The following HS3ST4 variants were observed in gnomAD, a reference collection of about 807,000 sequenced individuals.
HS3ST4 encodes heparan sulfate glucosamine 3-O-sulfotransferase 4.
A neutral mutation model predicts 29.2 loss-of-function variants in HS3ST4; 17 were observed. The observed-to-expected ratio is 0.58, with a 90% CI of 0.40 to 0.87. HS3ST4 has a LOEUF of 0.87. HS3ST4 is among the 40% of genes least tolerant of loss of function. The pLI is 0.00. For missense variants in HS3ST4, 627 were observed against 634.5 expected (o/e 0.99, Z 0.13); for synonymous variants, 314 against 285.7 (o/e 1.10, Z -1.00).
At chr16:26,013,776 A>G (rs1415834867) in intron 1 of HS3ST4, among the ~76,000 whole-genome samples, 3 of 152,028 alleles carry the variant, frequency 2.0e-5, no homozygotes, top group South Asian at 2.1e-4. Context: ...GTGGGAGGCT[A>G]AGGTGGGCAG....
chr16:25,907,474 G>A (rs1968190458), intron 1 of HS3ST4, among the ~76,000 whole-genome samples: 1 of 152,098 alleles, frequency 6.6e-6, no homozygotes, highest in African/African-American at 2.4e-5. Context: ...TTATAATTTT[G>A]TCTCTATCTA....
chr16:26,070,216 C>G (rs907225403), intron 1 of HS3ST4, among the ~76,000 whole-genome samples: 4 of 152,168 alleles, frequency 2.6e-5, no homozygotes, highest in Admixed American at 2.6e-4. Context: ...TCTCCAGCAC[C>G]TGTTGTTTCC....
At chr16:25,925,489 C>T (rs996300338) in intron 1 of HS3ST4, among the ~76,000 whole-genome samples, 5 of 152,090 alleles carry the variant, frequency 3.3e-5, no homozygotes, top group African/African-American at 4.8e-5. Context: ...GATTACGCCG[C>T]GACGCTGTTG....
intron 1 of HS3ST4, among the ~76,000 whole-genome samples, chr16:26,101,570 G>T (rs1000771491): frequency 9.2e-5 from 14 of 152,178 alleles, no homozygotes; most frequent in Non-Finnish European, 4.4e-5. Flanking sequence ...CATTAAGTTG[G>T]TTATGTGTAT....
chr16:25,766,309 T>C (rs972678794), intron 1 of HS3ST4, among the ~76,000 whole-genome samples: 4 of 152,112 alleles, frequency 2.6e-5, no homozygotes, highest in African/African-American at 9.7e-5. Flanking sequence ...CTCCTTCCAG[T>C]GAAATACAAG....
intron 1 of HS3ST4, among the ~76,000 whole-genome samples, chr16:25,896,406 A>G (rs1255777713): frequency 6.6e-6 from 1 of 152,238 alleles, no homozygotes; most frequent in Non-Finnish European, 1.5e-5. Context: ...AATGGTCTTC[A>G]TTATAAATCA....
At chr16:25,922,566 C>A (rs905748654) in intron 1 of HS3ST4, among the ~76,000 whole-genome samples, 1 of 152,180 alleles carries the variant, frequency 6.6e-6, no homozygotes, top group Non-Finnish European at 1.5e-5. Flanking sequence ...ATTGGAACTC[C>A]TTGAGAGAGA....
intron 1 of HS3ST4, among the ~76,000 whole-genome samples, chr16:25,939,309 TA>T (rs1441988493): frequency 4.1e-5 from 4 of 96,800 alleles, no homozygotes; most frequent in Non-Finnish European, 8.8e-5. Context: ...CAGCATTTAT[TA>T]TTATTATTAT....
intron 1 of HS3ST4, among the ~76,000 whole-genome samples, chr16:25,855,140 G>A (rs1480231940): frequency 6.6e-6 from 1 of 152,190 alleles, no homozygotes; most frequent in Non-Finnish European, 1.5e-5. Context: ...TGATTGATGG[G>A]TGGATTGAAA....
chr16:25,808,364 A>G (rs1471656042), intron 1 of HS3ST4, among the ~76,000 whole-genome samples: 2 of 152,216 alleles, frequency 1.3e-5, no homozygotes, highest in East Asian at 1.9e-4. Flanking sequence ...CTAATTGCCC[A>G]AACATGATTT....
intron 1 of HS3ST4, among the ~76,000 whole-genome samples, chr16:25,774,467 G>A (rs1419007450): frequency 1.3e-5 from 2 of 152,234 alleles, no homozygotes; most frequent in Non-Finnish European, 2.9e-5. Context: ...CCTTCAAGAA[G>A]CAGTCTCTTC....
At chr16:25,952,724 C>A (rs1371608249) in intron 1 of HS3ST4, among the ~76,000 whole-genome samples, 1 of 152,190 alleles carries the variant, frequency 6.6e-6, no homozygotes, top group Non-Finnish European at 1.5e-5. Flanking sequence ...GTTATCCTAT[C>A]CACCAAAGCC....
At chr16:25,955,334 G>A (rs1241029769) in intron 1 of HS3ST4, among the ~76,000 whole-genome samples, 1 of 152,134 alleles carries the variant, frequency 6.6e-6, no homozygotes, top group East Asian at 1.9e-4. Flanking sequence ...TGTCCTAAAG[G>A]TGCAATAAAC....
intron 1 of HS3ST4, among the ~76,000 whole-genome samples, chr16:25,755,534 A>G (rs1052733992): frequency 6.6e-6 from 1 of 152,204 alleles, no homozygotes; most frequent in Admixed American, 6.5e-5. Context: ...TTCGTAGATC[A>G]TGTGGTTCTA....
intron 1 of HS3ST4, among the ~76,000 whole-genome samples, chr16:26,070,947 C>T (rs549022235): frequency 6.6e-6 from 1 of 152,220 alleles, no homozygotes; most frequent in African/African-American, 2.4e-5. Context: ...TCAGGAAATG[C>T]TCCTCTGGGG....
chr16:26,003,635 A>G (rs975322237), intron 1 of HS3ST4, among the ~76,000 whole-genome samples: 4 of 152,200 alleles, frequency 2.6e-5, no homozygotes. Flanking sequence ...GACTTTTGGC[A>G]GAACAACTAA....
chr16:25,904,434 T>C (rs1300578837), intron 1 of HS3ST4, among the ~76,000 whole-genome samples: 1 of 152,224 alleles, frequency 6.6e-6, no homozygotes, highest in African/African-American at 2.4e-5. Flanking sequence ...CATTTGCTTT[T>C]TAAAATCGAA....
intron 1 of HS3ST4, among the ~76,000 whole-genome samples, chr16:26,105,813 G>C (rs1899048578): frequency 6.6e-6 from 1 of 152,168 alleles, no homozygotes; most frequent in Non-Finnish European, 1.5e-5. Flanking sequence ...CCTCTAACCT[G>C]GTCTTCTGAT....
intron 1 of HS3ST4, among the ~76,000 whole-genome samples, chr16:25,700,790 A>G (rs943758631): frequency 6.6e-6 from 1 of 152,226 alleles, no homozygotes; most frequent in Non-Finnish European, 1.5e-5. Context: ...GGAGCTTTTC[A>G]GCCCATCTTG....
Sources: gnomAD v4.1 joint callset for allele counts (sites outside exome capture counted in the v4.1 genomes callset) on GRCh38, gnomAD v4.1.1 for gene constraint, MANE v1.5 for transcripts, NCBI Gene and HGNC (gene_info 2026-07-23, HGNC 2026-07-21) for gene names.